XKR6: variants seen among roughly 807,000 people sequenced by gnomAD.
The protein encoded by XKR6 is XK-related protein 6.
In XKR6, 22 loss-of-function variants were observed where a neutral mutation model predicts 56.7. The ratio of observed to expected loss-of-function variants is 0.39; its 90% CI spans 0.28 to 0.55. The LOEUF (loss-of-function observed/expected upper bound fraction) is 0.55, where lower values mean the gene tolerates loss of function less well. Among genes scored for constraint, XKR6 ranks in the 20% least tolerant of loss-of-function variants. The pLI, the probability that XKR6 is intolerant of heterozygous loss-of-function variation, is 0.66. For synonymous variants in XKR6, 524 were observed against 387.8 expected (o/e 1.35, Z -4.13); for missense variants, 852 against 889.0 (o/e 0.96, Z 0.53).
At chr8:11,082,451 C>T (rs1797756832) in intron 1 of XKR6, among the ~76,000 whole-genome samples, 1 of 152,246 alleles carries the variant, frequency 6.6e-6, no homozygotes, top group Admixed American at 6.5e-5. Context: ...ACCGGGCAAA[C>T]AGTGCCCAGA....
At chr8:11,108,069 T>C (rs939969116) in intron 1 of XKR6, 1 of 329,310 alleles carries the variant, frequency 3.0e-6, no homozygotes, top group Admixed American at 4.7e-5. Flanking sequence ...CAGTGAACGA[T>C]GTAACAGGTG....
intron 1 of XKR6, among the ~76,000 whole-genome samples, chr8:11,052,098 C>G (rs1453041663): frequency 6.6e-6 from 1 of 152,092 alleles, no homozygotes; most frequent in Non-Finnish European, 1.5e-5. Context: ...CTTCCCCAGA[C>G]CCCTCACCCC....
rs553473562 is a variant in XKR6, at chr8:11,200,724, T to A, written c.616A>T (p.Met206Leu). Residue 206 changes from methionine (M) to leucine (L), a missense_variant, in exon 1 of 3, where the codon ATG becomes TTG. By Grantham distance (15) the Met-to-Leu change is conservative (BLOSUM62 2). This residue lies in a region of XKR6 where 417 missense variants were observed against 355.2 expected (regional missense o/e 1.17). Transcript: ENST00000416569. The surrounding 1 kb of genome is among the most constrained non-coding windows in gnomAD (Gnocchi z 6.4). ...CCGTGGACGTAGCCGGCCCCCATCA[T>A]GGGGGGGCCCCGGCTGGTGAGCCCC... ...VEGLTSRGPP[M>L]MGAGYVHGAA... 5 of 1,588,924 alleles carry A rather than the reference T, an allele frequency of 3.1e-6. No homozygotes were observed. In the African/African-American group the frequency reaches 5.5e-5, roughly 18 times the overall value.
At chr8:10,975,275 C>A (rs1266037581) in intron 1 of XKR6, among the ~76,000 whole-genome samples, 1 of 152,230 alleles carries the variant, frequency 6.6e-6, no homozygotes, top group Admixed American at 6.5e-5. Context: ...GCTGCTCCCC[C>A]ATCACCCAGC....
At chr8:11,149,714 C>T (rs1801172868) in intron 1 of XKR6, among the ~76,000 whole-genome samples, 1 of 151,944 alleles carries the variant, frequency 6.6e-6, no homozygotes, top group African/African-American at 2.4e-5. Flanking sequence ...AAAACAGAAC[C>T]ACTATATATG....
intron 1 of XKR6, among the ~76,000 whole-genome samples, chr8:10,950,851 T>A (rs1801696303): frequency 6.6e-6 from 1 of 152,128 alleles, no homozygotes. Context: ...TCAGATGCCA[T>A]CCTATCAAAG....
intron 1 of XKR6, among the ~76,000 whole-genome samples, chr8:11,179,274 C>T (rs1267654929): frequency 6.6e-6 from 1 of 152,158 alleles, no homozygotes; most frequent in Non-Finnish European, 1.5e-5. Context: ...AGCTGTCACA[C>T]ACGTAGATTC....
At chr8:10,985,328 C>A (rs11777667) in intron 1 of XKR6, among the ~76,000 whole-genome samples, 64,717 of 151,782 alleles carry the variant, frequency 0.43, 16,787 homozygotes, top group African/African-American at 0.72. Flanking sequence ...TCTCCTGCAC[C>A]CACTTTCTTG....
At chr8:10,983,799 G>A (rs944703631) in intron 1 of XKR6, among the ~76,000 whole-genome samples, 7 of 152,000 alleles carry the variant, frequency 4.6e-5, no homozygotes, top group African/African-American at 1.7e-4. Context: ...GGGACTACAG[G>A]TGCCCGCCAC....
chr8:10,897,872 A>C lies in XKR6; in HGVS notation c.*80T>G, dbSNP rs535615118. On this transcript the variant is annotated 3_prime_UTR_variant, in exon 3 of 3. Transcript: ENST00000416569. ...GGCGGTGGTTCTGTGTATTGGGGGAAGGGAGGGTTATATTTCTTGCAAGTG... is the reference window on the plus strand; with the variant it reads ...GGCGGTGGTTCTGTGTATTGGGGGACGGGAGGGTTATATTTCTTGCAAGTG... 2.7e-6 allele frequency: 4 copies of C among 1,497,180 alleles called. No individual in the cohort carries two copies. Among genetic ancestry groups the C allele is most frequent in the South Asian group, 2.7e-5 (2 of 73,002 alleles). The allele number at this position is 1,497,180 out of a possible 1,614,324, so 92.7% of individuals were successfully genotyped here.
At chr8:10,997,742 G>C (rs766124176) in intron 1 of XKR6, among the ~76,000 whole-genome samples, 1 of 152,124 alleles carries the variant, frequency 6.6e-6, no homozygotes, top group Non-Finnish European at 1.5e-5. Flanking sequence ...AGATAATGAA[G>C]AATGATGAAG....
intron 1 of XKR6, among the ~76,000 whole-genome samples, chr8:10,954,011 G>A (rs1290239020): frequency 6.6e-6 from 1 of 152,122 alleles, no homozygotes; most frequent in Non-Finnish European, 1.5e-5. Context: ...TTCTATTGTT[G>A]AGTAATGTTC....
chr8:11,127,753 T>C (rs1355121138), intron 1 of XKR6, among the ~76,000 whole-genome samples: 1 of 152,220 alleles, frequency 6.6e-6, no homozygotes, highest in Admixed American at 6.5e-5. Context: ...AAGTCTCCTT[T>C]ACAATGTGCG....
At chr8:11,193,300 G>A (rs1803684640) in intron 1 of XKR6, among the ~76,000 whole-genome samples, 1 of 152,094 alleles carries the variant, frequency 6.6e-6, no homozygotes, top group South Asian at 2.1e-4. Context: ...TAAACCACTT[G>A]TTTAATATTT....
chr8:11,040,947 C>T (rs1002734994), intron 1 of XKR6, among the ~76,000 whole-genome samples: 17 of 152,134 alleles, frequency 1.1e-4, no homozygotes, highest in Admixed American at 2.6e-4. Context: ...CAGGTATCTA[C>T]GTACATCGGG....
chr8:11,078,117 T>C (rs532281401), intron 1 of XKR6, among the ~76,000 whole-genome samples: 1 of 152,184 alleles, frequency 6.6e-6, no homozygotes, highest in South Asian at 2.1e-4. Context: ...TGCCTGACTC[T>C]AGGATTTATT....
At chr8:11,002,589 C>T (rs912781709) in intron 1 of XKR6, 2 of 180,072 alleles carry the variant, frequency 1.1e-5, no homozygotes. Context: ...GTCACCCTCC[C>T]AGCCAGCACA....
chr8:10,953,924 CT>C (rs1242795654), intron 1 of XKR6, among the ~76,000 whole-genome samples: 2 of 152,182 alleles, frequency 1.3e-5, no homozygotes, highest in East Asian at 3.8e-4. Context: ...AATATATGGC[CT>C]TTTGTGGCTG....
intron 1 of XKR6, among the ~76,000 whole-genome samples, chr8:11,141,140 G>C (rs987375666): frequency 6.6e-6 from 1 of 152,178 alleles, no homozygotes; most frequent in African/African-American, 2.4e-5. Context: ...AGATGCAAAA[G>C]ACTTTAACTG....
Sources: gnomAD v4.1 joint callset for allele counts (sites outside exome capture counted in the v4.1 genomes callset) on GRCh38, gnomAD v4.1.1 for gene constraint, gnomAD v4.1.1 regional missense constraint, Gnocchi (gnomAD v3.1) non-coding constraint, MANE v1.5 for transcripts, NCBI Gene and HGNC (gene_info 2026-07-23, HGNC 2026-07-21) for gene names.